RBFOX1: variants seen among roughly 807,000 people sequenced by gnomAD.
RBFOX1 encodes the protein RNA binding protein fox-1 homolog 1.
In RBFOX1, 8 loss-of-function variants were observed where a neutral mutation model predicts 57.7. The ratio of observed to expected loss-of-function variants is 0.14; its 90% CI spans 0.08 to 0.25. The LOEUF (loss-of-function observed/expected upper bound fraction) is 0.25, where lower values mean the gene tolerates loss of function less well. Among genes scored for constraint, RBFOX1 ranks in the 10% least tolerant of loss-of-function variants. RBFOX1 has a pLI of 1.00. For missense variants in RBFOX1, 611 were observed against 548.5 expected, an observed-to-expected ratio of 1.11 and a Z score of -1.14; for synonymous variants, 326 against 222.4, an observed-to-expected ratio of 1.47 and a Z score of -4.15.
chr16:6,795,593 C>T (rs923964779), intron 3 of RBFOX1, among the ~76,000 whole-genome samples: 16 of 151,950 alleles, frequency 1.1e-4, no homozygotes, highest in East Asian at 1.9e-4. Context: ...TGGTGAAACC[C>T]TGTCTCTACT....
intron 3 of RBFOX1, among the ~76,000 whole-genome samples, chr16:6,785,173 A>G (rs1245581331): frequency 1.3e-5 from 2 of 152,312 alleles, no homozygotes; most frequent in African/African-American, 2.4e-5. Flanking sequence ...GATCTACGAG[A>G]TCTGGTCTGC....
intron 1 of RBFOX1, among the ~76,000 whole-genome samples, chr16:5,294,527 G>T (rs1050605087): frequency 1.3e-5 from 2 of 152,104 alleles, no homozygotes; most frequent in African/African-American, 4.8e-5. Context: ...AATGCACTGG[G>T]ATCCCTCGTA....
rs547146142 is a variant in RBFOX1 at position 7,552,763 on chromosome 16, A to T, written c.271-27014A>T. Reference sequence around the variant, plus strand: ...AATGGCGTGATCTCAGCTCACTGCAACCTCTGCCTCCCAGGCTCAAGAGAT... The same window carrying T: ...AATGGCGTGATCTCAGCTCACTGCATCCTCTGCCTCCCAGGCTCAAGAGAT... On this transcript the variant is annotated intron_variant, in intron 5 of 15. Coordinates refer to ENST00000550418, the MANE Select transcript of RBFOX1 (RefSeq NM_018723.4). Among the ~76,000 whole-genome samples the T allele has an allele frequency of 3.3e-5, 5 of 152,198 alleles. No homozygotes were observed. In the East Asian group the frequency reaches 7.8e-4, roughly 24 times the overall value.
At chr16:6,530,614 T>C (rs549539663) in intron 2 of RBFOX1, among the ~76,000 whole-genome samples, 146 of 152,232 alleles carry the variant, frequency 9.6e-4, no homozygotes, top group African/African-American at 3.4e-3. Flanking sequence ...GAAAAAGAGA[T>C]TGAATGGATT....
chr16:7,364,381 C>G (rs1193897702), intron 4 of RBFOX1, among the ~76,000 whole-genome samples: 1 of 152,094 alleles, frequency 6.6e-6, no homozygotes, highest in Non-Finnish European at 1.5e-5. Flanking sequence ...AAAATGACTA[C>G]ATTATGGTGC....
intron 4 of RBFOX1, among the ~76,000 whole-genome samples, chr16:7,253,863 A>G (rs2094577569): frequency 6.6e-6 from 1 of 152,124 alleles, no homozygotes; most frequent in Non-Finnish European, 1.5e-5. Flanking sequence ...TGAGAAATGC[A>G]TATTGGAGGA....
intron 2 of RBFOX1, among the ~76,000 whole-genome samples, chr16:5,520,053 C>T (rs1307394339): frequency 3.9e-5 from 6 of 151,990 alleles, no homozygotes; most frequent in Non-Finnish European, 5.9e-5. Context: ...GCAGGATGTG[C>T]GATGAAGCAG....
chr16:6,504,335 G>A (rs2096028995), intron 2 of RBFOX1, among the ~76,000 whole-genome samples: 2 of 152,268 alleles, frequency 1.3e-5, no homozygotes, highest in South Asian at 2.1e-4. Context: ...ACATTCCCCT[G>A]CCCTTCACCA....
Position 6,315,591 on chromosome 16 carries a change from GGATA to G in RBFOX1, c.-126-1400_-126-1397del, listed in dbSNP as rs1223259077. The stretch of plus-strand genomic sequence containing the variant: ...TGGATGGATGGATAGATGGATGGAT[GGATA>G]GATGGATGGATGAATGAGTGCATCA... On this transcript the variant is annotated intron_variant, in intron 1 of 15. Transcript: ENST00000550418. Among the ~76,000 whole-genome samples the G allele has an allele frequency of 7.9e-4, 106 of 133,572 alleles. 1 individual carries two copies. The highest frequency in any genetic ancestry group is 2.7e-3 in the African/African-American group (104 of 38,034). The allele number at this position is 133,572 out of a possible 152,430, so 87.6% of individuals were successfully genotyped here. A position where few individuals can be genotyped will look rare whatever the true frequency, so the allele number is the denominator to read the frequency against.
At chr16:5,497,829 A>G (rs1409821994) in intron 2 of RBFOX1, among the ~76,000 whole-genome samples, 1 of 152,182 alleles carries the variant, frequency 6.6e-6, no homozygotes, top group African/African-American at 2.4e-5. Flanking sequence ...ATTGTCCCCA[A>G]GAATAACAAA....
intron 11 of RBFOX1, among the ~76,000 whole-genome samples, chr16:7,648,687 C>A (rs1340322011): frequency 6.6e-6 from 1 of 152,112 alleles, no homozygotes; most frequent in Non-Finnish European, 1.5e-5. Flanking sequence ...TGGTCTGGGG[C>A]TATATGGAAG....
At position 7,218,638 on chromosome 16, in the gene RBFOX1, G is replaced by C. The variant is rs1056365391; in HGVS notation, c.27+166540G>C. 8.8e-3 allele frequency among the ~76,000 whole-genome samples: 1,115 copies of C among 127,228 alleles called. 23 individuals carry two copies. The highest frequency in any genetic ancestry group is 0.019 in the African/African-American group (669 of 34,758). The allele number at this position is 127,228 out of a possible 152,430, so 83.5% of individuals were successfully genotyped here. ...GTTTGTGGGGGTTTGCTGTGTGTGT[G>C]TGTGTGTGTGTGTGTGTGTGTGTGT... On this transcript the variant is annotated intron_variant, in intron 4 of 15. Coordinates refer to ENST00000550418, the MANE Select transcript of RBFOX1 (RefSeq NM_018723.4).
intron 2 of RBFOX1, among the ~76,000 whole-genome samples, chr16:5,518,291 C>G (rs1204911683): frequency 6.6e-6 from 1 of 152,154 alleles, no homozygotes; most frequent in African/African-American, 2.4e-5. Flanking sequence ...GTTAGATGAG[C>G]ATGGACAACT....
intron 2 of RBFOX1, among the ~76,000 whole-genome samples, chr16:6,351,087 T>C (rs1286457796): frequency 1.3e-5 from 2 of 152,062 alleles, no homozygotes; most frequent in African/African-American, 4.8e-5. Context: ...GGCCAAAACT[T>C]ACGAAGCAGG....
chr16:6,289,328 A>G (rs551479130), intron 1 of RBFOX1, among the ~76,000 whole-genome samples: 13 of 152,200 alleles, frequency 8.5e-5, no homozygotes, highest in Admixed American at 3.3e-4. Flanking sequence ...TTGCACCATC[A>G]ATCTACCTGT....
At chr16:7,386,285 C>T (rs1326148192) in intron 4 of RBFOX1, among the ~76,000 whole-genome samples, 2 of 152,190 alleles carry the variant, frequency 1.3e-5, no homozygotes, top group East Asian at 1.9e-4. Context: ...GCAGAATGTG[C>T]AGGTTTGTTA....
chr16:7,132,932 T>C lies in RBFOX1; in HGVS notation c.27+80834T>C, dbSNP rs544590951. On this transcript the variant is annotated intron_variant, in intron 4 of 15. Coordinates refer to ENST00000550418, the MANE Select transcript of RBFOX1 (RefSeq NM_018723.4). ...TTGTGCCCATTTTAACAGGATACAT[T>C]TTTTCACTTGTGATTCTGATGAAAC... Among the ~76,000 whole-genome samples the C allele has an allele frequency of 2.0e-5, 3 of 152,290 alleles. No individual in the cohort carries two copies. The South Asian group carries it at 6.2e-4, about 32-fold the overall frequency.
chr16:6,731,467 C>G (rs933666531), intron 3 of RBFOX1, among the ~76,000 whole-genome samples: 4 of 152,132 alleles, frequency 2.6e-5, no homozygotes, highest in African/African-American at 9.7e-5. Flanking sequence ...TCTTTTTGTG[C>G]TCTTGCAGAA....
At chr16:6,687,470 A>G (rs946165561) in intron 3 of RBFOX1, among the ~76,000 whole-genome samples, 4 of 152,218 alleles carry the variant, frequency 2.6e-5, no homozygotes, top group African/African-American at 9.6e-5. Flanking sequence ...AAGTTAAATA[A>G]TTAAACTTAA....
Sources: allele counts gnomAD v4.1 joint callset (sites outside exome capture counted in the v4.1 genomes callset), GRCh38; gene constraint gnomAD v4.1.1; transcripts MANE v1.5; gene names NCBI Gene and HGNC (gene_info 2026-07-23, HGNC 2026-07-21).